Variants in SFXN5 observed in about 807,000 individuals in gnomAD.
The protein encoded by SFXN5 is sideroflexin 5.
SFXN5 carries 43 observed loss-of-function variants against 50.2 expected under a neutral mutation model. That is an observed-to-expected ratio of 0.86 (90% CI 0.67 to 1.11). The LOEUF (loss-of-function observed/expected upper bound fraction) is 1.11. Among genes scored for constraint, SFXN5 ranks in the 50% least tolerant of loss-of-function variants. SFXN5 has a pLI of 0.00. For synonymous variants in SFXN5, 203 were observed against 185.8 expected (o/e 1.09, Z -0.75); for missense variants, 463 against 454.1 (o/e 1.02, Z -0.18).
intron 3 of SFXN5, among the ~76,000 whole-genome samples, chr2:73,035,493 CTTTT>C (rs761321478): frequency 2.0e-5 from 2 of 101,844 alleles, no homozygotes; most frequent in Non-Finnish European, 1.8e-5. Context: ...GTATCGCAAT[CTTTT>C]TTTTTTTTTT....
chr2:72,998,879 C>T, intron 9 of SFXN5, 70 bp downstream of exon 9: 6 of 1,530,630 alleles, frequency 3.9e-6, no homozygotes, highest in Non-Finnish European at 5.4e-6. Context: ...GACAAGCATC[C>T]ACCTGCAATG....
chr2:73,059,635 G>T (rs1682587101), intron 1 of SFXN5: 1 of 897,276 alleles, frequency 1.1e-6, no homozygotes, highest in South Asian at 5.4e-5. Context: ...ACCCCTGCAT[G>T]AAGCAACCTC....
intron 3 of SFXN5, among the ~76,000 whole-genome samples, chr2:73,039,877 C>T (rs1679398821): frequency 6.6e-6 from 1 of 151,702 alleles, no homozygotes; most frequent in Non-Finnish European, 1.5e-5. Context: ...GTGGCGCAGT[C>T]TCGGCTCACT....
rs1673724437 is a variant in SFXN5, at chr2:72,961,380, A to C, written c.828-132T>G. On this transcript the variant is annotated intron_variant, in intron 12 of 13. Coordinates refer to ENST00000272433, the MANE Select transcript of SFXN5 (RefSeq NM_144579.3). The surrounding 1 kb of genome is among the most constrained non-coding windows in gnomAD (Gnocchi z 4.4). ...TCCGGGGCAGTGCCAGTGTGCAGCTAAACAGATATAGCAGAGTTCTGTCTT... is the reference window on the plus strand; with the variant it reads ...TCCGGGGCAGTGCCAGTGTGCAGCTCAACAGATATAGCAGAGTTCTGTCTT... The C allele has an allele frequency of 3.6e-6, 2 of 556,966 alleles. No individual in the cohort carries two copies. Among genetic ancestry groups the C allele is most frequent in the South Asian group, 2.5e-5 (1 of 40,698 alleles). 34.5% of individuals were successfully genotyped at this position (556,966 alleles called of 1,614,324 possible).
chr2:73,058,658 A>G, intron 1 of SFXN5, 62 bp from the exon 2 acceptor site: 4 of 1,468,210 alleles, frequency 2.7e-6, no homozygotes, highest in Admixed American at 3.4e-5. Context: ...TTCTCCAGAC[A>G]CTGGAGAGCC....
At chr2:73,013,497 A>G (rs951169828) in intron 6 of SFXN5, among the ~76,000 whole-genome samples, 2 of 151,708 alleles carry the variant, frequency 1.3e-5, no homozygotes, top group African/African-American at 4.8e-5. Context: ...CACACCAAAC[A>G]CCATTGCATT....
At chr2:73,060,980 C>T (rs559444026) in intron 1 of SFXN5, among the ~76,000 whole-genome samples, 174 of 148,908 alleles carry the variant, frequency 1.2e-3, no homozygotes, top group African/African-American at 4.1e-3. Context: ...GGATTACAGG[C>T]GTGAGCCACC....
At chr2:73,029,191 G>C (rs1023626159) in intron 3 of SFXN5, among the ~76,000 whole-genome samples, 2 of 152,204 alleles carry the variant, frequency 1.3e-5, no homozygotes, top group African/African-American at 4.8e-5. Context: ...GTGAAAGGAG[G>C]CATCCTGGCA....
intron 10 of SFXN5, among the ~76,000 whole-genome samples, chr2:72,985,926 C>A (rs537279786): frequency 6.6e-6 from 1 of 152,170 alleles, no homozygotes; most frequent in Admixed American, 6.5e-5. Context: ...AGCAAGATGG[C>A]CAGTAGGGCT....
intron 10 of SFXN5, 134 bp downstream of exon 10, chr2:72,988,119 AAACAT>A: frequency 1.4e-6 from 1 of 713,582 alleles, no homozygotes; most frequent in East Asian, 2.8e-5. Context: ...TCTTTTAGCT[AAACAT>A]ATTACACCAA....
At chr2:72,989,787 G>A (rs1672353171) in intron 9 of SFXN5, among the ~76,000 whole-genome samples, 1 of 152,212 alleles carries the variant, frequency 6.6e-6, no homozygotes, top group Non-Finnish European at 1.5e-5. Context: ...CATGAAACCA[G>A]AAAAGGAGTT....
intron 10 of SFXN5, among the ~76,000 whole-genome samples, chr2:72,976,474 C>A (rs1000714263): frequency 9.2e-5 from 14 of 152,072 alleles, no homozygotes; most frequent in African/African-American, 3.4e-4. Flanking sequence ...AATATGAGAC[C>A]TAAGTATAAC....
intron 6 of SFXN5, among the ~76,000 whole-genome samples, chr2:73,005,148 GA>G (rs1264948506): frequency 6.6e-6 from 1 of 152,068 alleles, no homozygotes; most frequent in Non-Finnish European, 1.5e-5. Context: ...GAAGGAGAGG[GA>G]AACAGGAGCC....
intron 3 of SFXN5, among the ~76,000 whole-genome samples, chr2:73,027,892 G>A (rs1677787568): frequency 6.6e-6 from 1 of 152,094 alleles, no homozygotes; most frequent in Non-Finnish European, 1.5e-5. Flanking sequence ...CAACTCCTGG[G>A]CTCAAGCAAT....
At chr2:73,010,454 T>C (rs993596355) in intron 6 of SFXN5, among the ~76,000 whole-genome samples, 1 of 152,224 alleles carries the variant, frequency 6.6e-6, no homozygotes, top group Non-Finnish European at 1.5e-5. Flanking sequence ...AAGCCAGTAC[T>C]GAAAATGGTG....
intron 1 of SFXN5, among the ~76,000 whole-genome samples, chr2:73,068,598 G>A (rs1265647454): frequency 6.6e-6 from 1 of 152,052 alleles, no homozygotes; most frequent in Non-Finnish European, 1.5e-5. Context: ...AGTCCGCAAA[G>A]CCCTACTGAA....
intron 13 of SFXN5, among the ~76,000 whole-genome samples, chr2:72,957,694 C>T (rs888410500): frequency 4.6e-5 from 7 of 152,210 alleles, no homozygotes; most frequent in Admixed American, 2.0e-4. Context: ...AGAAGAAGCA[C>T]CTTGTTAGGG....
At chr2:73,012,752 A>T (rs561719279) in intron 6 of SFXN5, among the ~76,000 whole-genome samples, 1 of 151,934 alleles carries the variant, frequency 6.6e-6, no homozygotes, top group African/African-American at 2.4e-5. Context: ...AAGGCTTTAT[A>T]AATCTGATGA....
intron 2 of SFXN5, among the ~76,000 whole-genome samples, chr2:73,048,027 C>G (rs1030697909): frequency 1.3e-5 from 2 of 152,086 alleles, no homozygotes; most frequent in African/African-American, 4.8e-5. Flanking sequence ...CATTTCATGA[C>G]ATGAAAAACT....
Sources: allele counts gnomAD v4.1 joint callset (sites outside exome capture counted in the v4.1 genomes callset), GRCh38; gene constraint gnomAD v4.1.1; non-coding constraint Gnocchi (gnomAD v3.1); transcripts MANE v1.5; gene names NCBI Gene and HGNC (gene_info 2026-07-23, HGNC 2026-07-21).